Variants in CNTNAP2 observed in about 807,000 individuals in gnomAD.
The protein encoded by CNTNAP2 is contactin associated protein 2.
Under a neutral mutation model 155.2 loss-of-function variants are expected in CNTNAP2, and 98 were observed. That is an observed-to-expected ratio of 0.63 (90% CI 0.54 to 0.75). CNTNAP2 has a LOEUF of 0.75. Ranked by LOEUF, CNTNAP2 falls within the 30% of genes least tolerant of loss-of-function variation. The pLI, the probability that CNTNAP2 is intolerant of heterozygous loss-of-function variation, is 0.00. For synonymous variants in CNTNAP2, 651 were observed against 631.2 expected (o/e 1.03, Z -0.47); for missense variants, 1,727 against 1,688.1 (o/e 1.02, Z -0.40).
rs111399817 is a variant in CNTNAP2 at position 146,853,076 on chromosome 7, G to T, written c.402+13172G>T. ...TTCAGCCTGGAACAAACAAGTATTTGATAAAAGAAACCAGACCAATACAAA... is the reference window on the plus strand; with the variant it reads ...TTCAGCCTGGAACAAACAAGTATTTTATAAAAGAAACCAGACCAATACAAA... On this transcript the variant is annotated intron_variant, in intron 3 of 23. Transcript: ENST00000361727. 6.7e-3 allele frequency among the ~76,000 whole-genome samples: 1,015 copies of T among 152,214 alleles called. 7 individuals are homozygous for T. The highest frequency in any genetic ancestry group is 0.015 in the South Asian group (74 of 4,808).
intron 12 of CNTNAP2, among the ~76,000 whole-genome samples, chr7:147,599,828 T>A (rs139562141): frequency 1.3e-5 from 2 of 152,302 alleles, no homozygotes; most frequent in East Asian, 3.9e-4. Flanking sequence ...TTTGATTACA[T>A]CTGCAAAGAC....
intron 15 of CNTNAP2, among the ~76,000 whole-genome samples, chr7:148,014,633 G>T (rs1802142997): frequency 6.6e-6 from 1 of 152,186 alleles, no homozygotes; most frequent in Non-Finnish European, 1.5e-5. Flanking sequence ...TCCACCTGGA[G>T]TATGAGTCAC....
chr7:146,264,366 G>A (rs568065166), intron 1 of CNTNAP2, among the ~76,000 whole-genome samples: 2 of 151,938 alleles, frequency 1.3e-5, no homozygotes, highest in African/African-American at 4.8e-5. Context: ...CAGGAGAGTC[G>A]CTTGAACCAA....
intron 1 of CNTNAP2, among the ~76,000 whole-genome samples, chr7:146,304,156 T>C (rs1398572776): frequency 6.6e-6 from 1 of 151,512 alleles, no homozygotes; most frequent in African/African-American, 2.4e-5. Flanking sequence ...TTTGAGCCTA[T>C]GTGTGTCTCT....
intron 21 of CNTNAP2, among the ~76,000 whole-genome samples, chr7:148,296,870 C>G (rs1287135958): frequency 2.0e-5 from 3 of 152,116 alleles, no homozygotes; most frequent in Non-Finnish European, 4.4e-5. Context: ...AATCATGACC[C>G]AAGTCAAAGT....
In CNTNAP2 at chr7:148,417,281, C is replaced by G. The variant is rs1218390620; in HGVS notation, c.*1665C>G. On this transcript the variant is annotated 3_prime_UTR_variant, in exon 24 of 24. Coordinates refer to ENST00000361727, the MANE Select transcript of CNTNAP2 (RefSeq NM_014141.6). ...TTTTCAAGATTCTCAGTGTGCCTAACTTATTGGAGCACATCAGTTTCTTGG... is the reference window on the plus strand; with the variant it reads ...TTTTCAAGATTCTCAGTGTGCCTAAGTTATTGGAGCACATCAGTTTCTTGG... 1 of 152,546 alleles carries G rather than the reference C, an allele frequency of 6.6e-6. No homozygotes were observed. Among genetic ancestry groups the G allele is most frequent in the Non-Finnish European group, 1.5e-5 (1 of 68,042 alleles). 9.4% of individuals were successfully genotyped at this position (152,546 alleles called of 1,614,324 possible).
intron 1 of CNTNAP2, among the ~76,000 whole-genome samples, chr7:146,598,338 A>G (rs1249839658): frequency 6.6e-6 from 1 of 152,098 alleles, no homozygotes; most frequent in East Asian, 1.9e-4. Context: ...AAAAAAAGGA[A>G]TCTCGATCTG....
intron 14 of CNTNAP2, among the ~76,000 whole-genome samples, chr7:147,952,925 T>C (rs373720294): frequency 8.5e-5 from 13 of 152,348 alleles, no homozygotes; most frequent in East Asian, 1.9e-4. Context: ...AGGGAATAGC[T>C]AGTCTAATTT....
At chr7:146,653,482 A>G (rs751445421) in intron 1 of CNTNAP2, among the ~76,000 whole-genome samples, 22 of 152,306 alleles carry the variant, frequency 1.4e-4, no homozygotes, top group Admixed American at 3.9e-4. Context: ...TTTAATAACA[A>G]TAGAACATTT....
At chr7:146,676,584 T>C (rs1257144151) in intron 1 of CNTNAP2, among the ~76,000 whole-genome samples, 1 of 152,090 alleles carries the variant, frequency 6.6e-6, no homozygotes, top group African/African-American at 2.4e-5. Flanking sequence ...GCACCTGTAG[T>C]AGTCTGTTTT....
chr7:147,352,643 A>G (rs1302788779), intron 9 of CNTNAP2, among the ~76,000 whole-genome samples: 2 of 152,010 alleles, frequency 1.3e-5, no homozygotes, highest in Non-Finnish European at 2.9e-5. Flanking sequence ...TTGATTCAGT[A>G]CACTTTCTCT....
chr7:146,577,561 G>A (rs550276271), intron 1 of CNTNAP2, among the ~76,000 whole-genome samples: 41 of 151,806 alleles, frequency 2.7e-4, no homozygotes, highest in African/African-American at 8.9e-4. Flanking sequence ...TTTAAAATAC[G>A]TATTCAGGGA....
chr7:147,892,754 A>C (rs2116733339), intron 13 of CNTNAP2, among the ~76,000 whole-genome samples: 1 of 152,336 alleles, frequency 6.6e-6, no homozygotes, highest in South Asian at 2.1e-4. Context: ...ATTAATTTTT[A>C]ATTAATTACC....
intron 1 of CNTNAP2, among the ~76,000 whole-genome samples, chr7:146,660,552 C>T (rs552257072): frequency 1.3e-5 from 2 of 152,140 alleles, no homozygotes; most frequent in African/African-American, 4.8e-5. Flanking sequence ...CAATAAATAG[C>T]AGATGTTTTA....
At chr7:146,291,358 G>A (rs1026340984) in intron 1 of CNTNAP2, among the ~76,000 whole-genome samples, 1 of 152,118 alleles carries the variant, frequency 6.6e-6, no homozygotes, top group African/African-American at 2.4e-5. Flanking sequence ...ATGATTGAAA[G>A]AATAAAAGGA....
Position 146,686,088 on chromosome 7 carries a change from G to A in CNTNAP2, c.98-88183G>A, listed in dbSNP as rs116972524. Among the ~76,000 whole-genome samples the A allele has an allele frequency of 6.5e-3, 990 of 152,198 alleles. 31 individuals are homozygous for A. Among genetic ancestry groups the A allele is most frequent in the Admixed American group, 0.052 (796 of 15,288 alleles). ...GACACTGGAGGATCTGTTGAGTTCA[G>A]GAGTTTAAGATCATCCTGGGCAACA... On this transcript the variant is annotated intron_variant, in intron 1 of 23. Coordinates refer to ENST00000361727, the MANE Select transcript of CNTNAP2 (RefSeq NM_014141.6).
chr7:146,930,309 C>A (rs1434053345), intron 3 of CNTNAP2, among the ~76,000 whole-genome samples: 2 of 152,034 alleles, frequency 1.3e-5, no homozygotes, highest in Admixed American at 6.6e-5. Flanking sequence ...AAAGAATTTT[C>A]AACCCAGAAT....
At chr7:146,313,784 A>T (rs986808291) in intron 1 of CNTNAP2, among the ~76,000 whole-genome samples, 7 of 152,084 alleles carry the variant, frequency 4.6e-5, no homozygotes, top group African/African-American at 1.7e-4. Flanking sequence ...AGATCACCTG[A>T]GGTCAGGACT....
intron 13 of CNTNAP2, among the ~76,000 whole-genome samples, chr7:147,730,685 GA>G (rs965583716): frequency 1.3e-5 from 2 of 151,684 alleles, no homozygotes; most frequent in African/African-American, 4.8e-5. Context: ...GTGTTCAAGT[GA>G]AAAAAAGAGT....
Sources: allele counts gnomAD v4.1 joint callset (sites outside exome capture counted in the v4.1 genomes callset), GRCh38; gene constraint gnomAD v4.1.1; transcripts MANE v1.5; gene names NCBI Gene and HGNC (gene_info 2026-07-23, HGNC 2026-07-21).